DLGAP2: variants seen among roughly 807,000 people sequenced by gnomAD.
DLGAP2 encodes the protein disks large-associated protein 2.
Under a neutral mutation model 100.3 loss-of-function variants are expected in DLGAP2, and 26 were observed. The ratio of observed to expected loss-of-function variants is 0.26; its 90% CI spans 0.19 to 0.36. The LOEUF is 0.36. DLGAP2 is among the 10% of genes least tolerant of loss of function. The pLI is 1.00. For missense variants in DLGAP2, 1,858 were observed against 1,453.2 expected, an observed-to-expected ratio of 1.28 and a Z score of -4.53; for synonymous variants, 886 against 630.1, an observed-to-expected ratio of 1.41 and a Z score of -6.08.
intron 3 of DLGAP2, among the ~76,000 whole-genome samples, chr8:1,485,322 C>T (rs547651885): frequency 6.6e-6 from 1 of 152,196 alleles, no homozygotes; most frequent in South Asian, 2.1e-4. Flanking sequence ...ATCATTTTTC[C>T]ACCTAGAGCA....
chr8:815,815 G>C (rs1273264888), intron 1 of DLGAP2, among the ~76,000 whole-genome samples: 1 of 152,172 alleles, frequency 6.6e-6, no homozygotes, highest in East Asian at 1.9e-4. Flanking sequence ...AGAATACTTT[G>C]GAGCATGTGT....
intron 2 of DLGAP2, among the ~76,000 whole-genome samples, chr8:1,256,638 C>T (rs1799228108): frequency 6.8e-6 from 1 of 147,554 alleles, no homozygotes. Flanking sequence ...ATGTCCGCGC[C>T]TCCTGCAATC....
At chr8:949,509 C>G (rs1799421535) in intron 2 of DLGAP2, among the ~76,000 whole-genome samples, 1 of 152,110 alleles carries the variant, frequency 6.6e-6, no homozygotes. Context: ...AACATTCAAG[C>G]AGAAAAGAAG....
intron 3 of DLGAP2, among the ~76,000 whole-genome samples, chr8:1,477,480 C>T (rs375359834): frequency 2.0e-5 from 3 of 152,180 alleles, no homozygotes; most frequent in African/African-American, 7.2e-5. Context: ...TTGGCCTTAA[C>T]TTTGAGGAAC....
At chr8:1,418,877 C>G (rs1213410618) in intron 3 of DLGAP2, among the ~76,000 whole-genome samples, 1 of 152,238 alleles carries the variant, frequency 6.6e-6, no homozygotes, top group African/African-American at 2.4e-5. Context: ...GGCTAGAGAT[C>G]ATGGGTTCCC....
At chr8:1,008,435 A>G (rs868596317) in intron 2 of DLGAP2, among the ~76,000 whole-genome samples, 4 of 152,376 alleles carry the variant, frequency 2.6e-5, no homozygotes, top group Middle Eastern at 3.4e-3. Flanking sequence ...TAGGCAACTC[A>G]ACTTTTAAAA....
intron 3 of DLGAP2, among the ~76,000 whole-genome samples, chr8:1,277,094 T>C (rs1183382377): frequency 6.6e-6 from 1 of 152,224 alleles, no homozygotes. Context: ...TCTGGAATAT[T>C]ATGTCCATAG....
chr8:1,063,287 TGTTTTAA>T (rs1371199380), intron 2 of DLGAP2, among the ~76,000 whole-genome samples: 1 of 152,180 alleles, frequency 6.6e-6, no homozygotes, highest in Non-Finnish European at 1.5e-5. Flanking sequence ...GAAGAGACAG[TGTTTTAA>T]GTGTGATGGG....
In DLGAP2 at chr8:1,453,598, C is replaced by T. The variant is rs1454979884; in HGVS notation, c.107-47768C>T. Among the ~76,000 whole-genome samples, 6 of 152,150 alleles carry T rather than the reference C, an allele frequency of 3.9e-5. No individual in the cohort carries two copies. In the East Asian group the frequency reaches 9.6e-4, roughly 24 times the overall value. Reference sequence around the variant, plus strand: ...CTGAGTTTGGTGACACCTTACAGAACGTCTCTTGGGGTCCCTTGCAAGAAG... The same window carrying T: ...CTGAGTTTGGTGACACCTTACAGAATGTCTCTTGGGGTCCCTTGCAAGAAG... On this transcript the variant is annotated intron_variant, in intron 3 of 14. Transcript: ENST00000637795.
intron 2 of DLGAP2, among the ~76,000 whole-genome samples, chr8:966,362 A>G (rs1384792384): frequency 6.6e-6 from 1 of 152,232 alleles, no homozygotes; most frequent in African/African-American, 2.4e-5. Context: ...CATGACTAAG[A>G]TGATTTTTTA....
intron 3 of DLGAP2, among the ~76,000 whole-genome samples, chr8:1,418,349 A>G (rs1425557869): frequency 6.6e-6 from 1 of 152,228 alleles, no homozygotes; most frequent in African/African-American, 2.4e-5. Flanking sequence ...AACTTTAGAT[A>G]TTTATATTCA....
intron 2 of DLGAP2, among the ~76,000 whole-genome samples, chr8:1,172,645 C>T (rs183330646): frequency 9.2e-5 from 14 of 152,252 alleles, no homozygotes; most frequent in Admixed American, 5.2e-4. Context: ...CATCTTCCAT[C>T]GCTGATACCC....
At chr8:1,379,436 C>A (rs1022647039) in intron 3 of DLGAP2, among the ~76,000 whole-genome samples, 3 of 152,252 alleles carry the variant, frequency 2.0e-5, no homozygotes, top group African/African-American at 7.2e-5. Flanking sequence ...TACCTCAGAC[C>A]AAGGCAGCCT....
chr8:1,143,196 C>T (rs369175924), intron 2 of DLGAP2, among the ~76,000 whole-genome samples: 32 of 152,204 alleles, frequency 2.1e-4, no homozygotes, highest in African/African-American at 7.0e-4. Context: ...TATAAAGTTA[C>T]TATATGACAA....
At chr8:919,332 C>T (rs1798659763) in intron 2 of DLGAP2, among the ~76,000 whole-genome samples, 1 of 152,126 alleles carries the variant, frequency 6.6e-6, no homozygotes, top group South Asian at 2.1e-4. Flanking sequence ...CGACATCAGG[C>T]CGCGACGGGC....
At chr8:961,084 C>T (rs758967042) in intron 2 of DLGAP2, among the ~76,000 whole-genome samples, 4 of 152,184 alleles carry the variant, frequency 2.6e-5, no homozygotes, top group Non-Finnish European at 5.9e-5. Flanking sequence ...TGCCTGTGAA[C>T]GATACTTAGA....
At chr8:1,050,963 T>C (rs1252232956) in intron 2 of DLGAP2, among the ~76,000 whole-genome samples, 1 of 63,642 alleles carries the variant, frequency 1.6e-5, no homozygotes, top group Non-Finnish European at 3.1e-5. Flanking sequence ...TGTGGTGGGG[T>C]CATTTCGTGG....
intron 2 of DLGAP2, among the ~76,000 whole-genome samples, chr8:1,149,743 C>T (rs1360988958): frequency 6.6e-6 from 1 of 152,150 alleles, no homozygotes; most frequent in African/African-American, 2.4e-5. Flanking sequence ...TTTGTTCTCC[C>T]TTTCTTGCAT....
At chr8:1,231,230 C>T (rs539844412) in intron 2 of DLGAP2, among the ~76,000 whole-genome samples, 52 of 152,162 alleles carry the variant, frequency 3.4e-4, no homozygotes, top group African/African-American at 9.4e-4. Flanking sequence ...AAAAAACCCA[C>T]GAAAAAATGC....
Sources: allele counts gnomAD v4.1 joint callset (sites outside exome capture counted in the v4.1 genomes callset), GRCh38; gene constraint gnomAD v4.1.1; transcripts MANE v1.5; gene names NCBI Gene and HGNC (gene_info 2026-07-23, HGNC 2026-07-21).